PPL: variants seen among roughly 807,000 people sequenced by gnomAD.
The protein encoded by PPL is 190 kDa paraneoplastic pemphigus antigen.
A neutral mutation model predicts 194.4 loss-of-function variants in PPL; 198 were observed. The ratio of observed to expected loss-of-function variants is 1.02; its 90% CI spans 0.91 to 1.15. PPL has a LOEUF of 1.15. Among genes scored for constraint, PPL ranks in the 50% most tolerant of loss-of-function variants. The probability of loss-of-function intolerance (pLI) is 0.00; values close to 1 mark genes in which losing one functional copy is unlikely to be tolerated. For synonymous variants in PPL, 1,220 were observed against 972.4 expected (o/e 1.25, Z -4.74); for missense variants, 2,885 against 2,294.8 (o/e 1.26, Z -5.25).
intron 1 of PPL, among the ~76,000 whole-genome samples, chr16:4,914,453 G>T (rs1277964006): frequency 6.6e-6 from 1 of 152,220 alleles, no homozygotes; most frequent in Admixed American, 6.5e-5. Context: ...AATGGCAGCA[G>T]CCAACATGCT....
Position 4,884,402 on chromosome 16 carries a change from C to G in PPL, c.4253G>C (p.Arg1418Pro), listed in dbSNP as rs149084017. The G allele has an allele frequency of 6.2e-7, 1 of 1,608,250 alleles. No individual in the cohort carries two copies. Among genetic ancestry groups the G allele is most frequent in the Non-Finnish European group, 8.5e-7 (1 of 1,178,936 alleles). The change falls in exon 22 of 22, where the codon CGC (arginine) becomes CCC (proline). Residue 1418 changes from arginine (R) to proline (P), a missense_variant. Transcript: ENST00000345988. This position sits in a 1 kb window ranked among gnomAD's most constrained non-coding sequence, Gnocchi z 5.7. Reference sequence around the variant, plus strand: ...CCGCTGCTGCAACCGCTGTACCTCGCGCTCGGCCTCCCTGCGGGCCTGCCG... The same window carrying G: ...CCGCTGCTGCAACCGCTGTACCTCGGGCTCGGCCTCCCTGCGGGCCTGCCG... ...RERQARREAE[R>P]EVQRLQQRLA...
chr16:4,920,333 A>AAGAG (rs1162923677), intron 1 of PPL, among the ~76,000 whole-genome samples: 1,406 of 73,476 alleles, frequency 0.019, 39 homozygotes, highest in Middle Eastern at 0.044. Flanking sequence ...GAAAGAAAGA[A>AAGAG]AGAGAGAGAG....
At chr16:4,936,035 C>A (rs141657111) in intron 1 of PPL, among the ~76,000 whole-genome samples, 24 of 152,304 alleles carry the variant, frequency 1.6e-4, no homozygotes, top group African/African-American at 4.8e-4. Context: ...ATTCCCACCC[C>A]CTCCGTCAAT....
intron 1 of PPL, among the ~76,000 whole-genome samples, chr16:4,917,641 C>T (rs998272848): frequency 4.6e-5 from 7 of 152,174 alleles, no homozygotes; most frequent in Non-Finnish European, 8.8e-5. Flanking sequence ...TGGCTCGCAC[C>T]TATAATCCCA....
rs573077554 is a variant in PPL at position 4,884,117 on chromosome 16, T to C, written c.4538A>G (p.Glu1513Gly). 10 of 1,613,442 alleles carry C rather than the reference T, an allele frequency of 6.2e-6. No individual in the cohort carries two copies. The highest frequency in any genetic ancestry group is 2.2e-5 in the East Asian group (1 of 44,870). ...GCTCTTGAGCCTCTGGATCTCTTGC[T>C]CGGTGTCGCCCTTCTCCACCTGGAC... ...ESVQVEKGDT[E>G]QEIQRLKSSL... Residue 1513 changes from glutamate (E) to glycine (G), a missense_variant, in exon 22 of 22, where the codon GAG becomes GGG. Glu to Gly is a moderately conservative substitution (Grantham distance 98). Coordinates refer to ENST00000345988, the MANE Select transcript of PPL (RefSeq NM_002705.5). The surrounding 1 kb of genome is among the most constrained non-coding windows in gnomAD (Gnocchi z 5.7).
At chr16:4,897,850 G>C in intron 8 of PPL, 80 bp from the exon 9 acceptor site, 1 of 1,130,924 alleles carries the variant, frequency 8.8e-7, no homozygotes, top group South Asian at 1.3e-5. Context: ...ATATTGGGCT[G>C]GGGCATGGCG....
intron 20 of PPL, 29 bp downstream of exon 20, chr16:4,888,073 C>G (rs1482687868): frequency 6.4e-7 from 1 of 1,557,396 alleles, no homozygotes; most frequent in South Asian, 1.1e-5. Context: ...CCACCTCAGT[C>G]CCGAGGCCGC....
intron 20 of PPL, 147 bp downstream of exon 20, chr16:4,887,955 C>A: frequency 1.5e-6 from 1 of 648,220 alleles, no homozygotes. Flanking sequence ...CATCTCTTAC[C>A]AAACCTGTTT....
At chr16:4,936,465 G>C (rs2089299783) in intron 1 of PPL, among the ~76,000 whole-genome samples, 2 of 152,170 alleles carry the variant, frequency 1.3e-5, no homozygotes, top group African/African-American at 4.8e-5. Context: ...CCGACGCCAG[G>C]AACACTTGCG....
intron 1 of PPL, among the ~76,000 whole-genome samples, chr16:4,935,924 ACCTGCCTGAAGCCTCTTGT>A (rs1224685003): frequency 1.3e-5 from 2 of 152,208 alleles, no homozygotes; most frequent in African/African-American, 4.8e-5. Context: ...CGGGCCCCTC[ACCTGCCTGAAGCCTCTTGT>A]CCGAGAAGCT....
intron 1 of PPL, among the ~76,000 whole-genome samples, 165 bp downstream of exon 1, chr16:4,936,819 G>C (rs1340775805): frequency 6.6e-6 from 1 of 152,178 alleles, no homozygotes; most frequent in East Asian, 1.9e-4. Flanking sequence ...CCCAGCTTCA[G>C]GGTGGCCTCG....
At chr16:4,912,977 G>C (rs1050922754) in intron 1 of PPL, among the ~76,000 whole-genome samples, 1 of 152,058 alleles carries the variant, frequency 6.6e-6, no homozygotes, top group Non-Finnish European at 1.5e-5. Flanking sequence ...GGTGGCATGC[G>C]CCTGTAGTCC....
At chr16:4,899,518 C>CCCAGCTATGGGTGGCCTGAGGACAAGT in intron 6 of PPL, 134 bp from the exon 7 acceptor site, 3 of 939,752 alleles carry the variant, frequency 3.2e-6, no homozygotes, top group Non-Finnish European at 4.6e-6. Flanking sequence ...TGAGGACAAG[C>CCCAGCTATGGGTGGCCTGAGGACAAGT]CCAGCTTAGC....
In PPL at chr16:4,919,479, G is replaced by C. The variant is rs184553167; in HGVS notation, c.63-8530C>G. On this transcript the variant is annotated intron_variant, in intron 1 of 21. Transcript: ENST00000345988. Reference sequence around the variant, plus strand: ...GTTTCTCACTATGTTGACCAGGCTAGTCCCGAACTCCTGGCCTCAAGTGAT... The same window carrying C: ...GTTTCTCACTATGTTGACCAGGCTACTCCCGAACTCCTGGCCTCAAGTGAT... 3.3e-5 allele frequency among the ~76,000 whole-genome samples: 5 copies of C among 152,254 alleles called. No individual in the cohort carries two copies. The East Asian group carries it at 7.7e-4, about 24-fold the overall frequency.
rs138657187 is a variant in PPL at position 4,899,034 on chromosome 16, G to T, written c.855C>A (p.His285Gln). Residue 285 changes from histidine to glutamine, a missense_variant, in exon 8 of 22, where the codon CAC (histidine) becomes CAA (glutamine). Physicochemically the swap from His to Gln is conservative, Grantham distance 24. Transcript: ENST00000345988. Reference sequence around the variant, plus strand: ...GAACCTCAATGGAGTTCCTCCCGGGGTGCTCGGCCGCCAGCAGCTGGTCGC... The same window carrying T: ...GAACCTCAATGGAGTTCCTCCCGGGTTGCTCGGCCGCCAGCAGCTGGTCGC... ...SEGDQLLAAE[H>Q]PGRNSIEAHM... 3 of 1,612,788 alleles carry T rather than the reference G, an allele frequency of 1.9e-6. No individual in the cohort carries two copies. Among genetic ancestry groups the T allele is most frequent in the Non-Finnish European group, 2.5e-6 (3 of 1,179,444 alleles).
intron 1 of PPL, among the ~76,000 whole-genome samples, chr16:4,927,347 G>A (rs1370798310): frequency 6.6e-6 from 1 of 152,156 alleles, no homozygotes; most frequent in Non-Finnish European, 1.5e-5. Context: ...TAACTATGTG[G>A]TTCCCAACAG....
chr16:4,911,604 G>C (rs1008452368), intron 1 of PPL, among the ~76,000 whole-genome samples: 1 of 152,144 alleles, frequency 6.6e-6, no homozygotes, highest in African/African-American at 2.4e-5. Context: ...GCACAGTCAT[G>C]GCTCACTGCA....
chr16:4,936,137 A>T (rs932854156), intron 1 of PPL, among the ~76,000 whole-genome samples: 1 of 152,078 alleles, frequency 6.6e-6, no homozygotes, highest in African/African-American at 2.4e-5. Flanking sequence ...CCCTGCAAAC[A>T]CATCAAGACA....
Position 4,937,123 on chromosome 16 carries a change from G to C in PPL, c.-78C>G, listed in dbSNP as rs917670076. On this transcript the variant is annotated 5_prime_UTR_variant, in exon 1 of 22. Transcript: ENST00000345988. ...GGGGCGGGCGGGAGCGCAGGTGAGC[G>C]AGCGGCGGCGCGGGGAGCCCGGACT... 4 of 1,012,144 alleles carry C rather than the reference G, an allele frequency of 4.0e-6. No individual in the cohort carries two copies. Among genetic ancestry groups the C allele is most frequent in the East Asian group, 6.9e-5 (1 of 14,396 alleles). 62.7% of individuals were successfully genotyped at this position (1,012,144 alleles called of 1,614,324 possible). A position where few individuals can be genotyped will look rare whatever the true frequency, so the allele number is the denominator to read the frequency against.
Sources: gnomAD v4.1 joint callset for allele counts (sites outside exome capture counted in the v4.1 genomes callset) on GRCh38, gnomAD v4.1.1 for gene constraint, Gnocchi (gnomAD v3.1) non-coding constraint, MANE v1.5 for transcripts, NCBI Gene and HGNC (gene_info 2026-07-23, HGNC 2026-07-21) for gene names.